COL6A3: variants seen among roughly 807,000 people sequenced by gnomAD.
COL6A3 encodes the protein collagen alpha-3(VI) chain.
Under a neutral mutation model 274.1 loss-of-function variants are expected in COL6A3, and 137 were observed. The observed-to-expected ratio is 0.50, with a 90% CI of 0.44 to 0.58. The LOEUF (loss-of-function observed/expected upper bound fraction) is 0.58, where lower values mean the gene tolerates loss of function less well. Among genes scored for constraint, COL6A3 ranks in the 20% least tolerant of loss-of-function variants. The pLI is 0.00. For synonymous variants in COL6A3, 1,650 were observed against 1,650.6 expected, an observed-to-expected ratio of 1.00 and a Z score of 0.01; for missense variants, 3,950 against 4,124.9, an observed-to-expected ratio of 0.96 and a Z score of 1.16.
intron 1 of COL6A3, among the ~76,000 whole-genome samples, chr2:237,398,112 G>A (rs1364706648): frequency 6.6e-6 from 1 of 152,224 alleles, no homozygotes; most frequent in Non-Finnish European, 1.5e-5. Flanking sequence ...AACCACAGCA[G>A]CTGGGACCAT....
chr2:237,359,072 G>C lies in COL6A3; in HGVS notation c.6371C>G (p.Pro2124Arg). ...LDGEDGDKGL[P>R]GSSGEKGNPG... ...ATTCCCTTTCTCTCCAGAAGAACCA[G>C]GCAATCCTTTGTCTCCCTGCCAAAG... is the stretch of plus-strand genomic sequence containing the variant. Residue 2124 changes from proline (P) to arginine (R), a missense_variant, in exon 20 of 44, where the codon CCT becomes CGT. Pro to Arg is a moderately radical substitution (Grantham distance 103, BLOSUM62 -2). Transcript: ENST00000295550. The C allele has an allele frequency of 6.2e-7, 1 of 1,614,108 alleles. No homozygotes were observed. Among genetic ancestry groups the C allele is most frequent in the Non-Finnish European group, 8.5e-7 (1 of 1,179,964 alleles).
chr2:237,392,023 T>G (rs1330909229), intron 3 of COL6A3, among the ~76,000 whole-genome samples: 1 of 152,104 alleles, frequency 6.6e-6, no homozygotes, highest in African/African-American at 2.4e-5. Context: ...GATGCCTGTG[T>G]GGTAATGCCA....
intron 4 of COL6A3, among the ~76,000 whole-genome samples, chr2:237,385,399 G>A (rs1347129419): frequency 3.3e-5 from 5 of 152,126 alleles, no homozygotes; most frequent in African/African-American, 1.2e-4. Context: ...CTGAAACAAG[G>A]GTCATGTGCT....
Position 237,401,980 on chromosome 2 carries a change from C to T in COL6A3, c.-30-5133G>A, listed in dbSNP as rs371636047. ...GATTACAGGCGTGAGCCACTGTGCA[C>T]GGCCTACTGTATTATACTAAGTCTT... On this transcript the variant is annotated intron_variant, in intron 1 of 43. Transcript: ENST00000295550. 7.4e-4 allele frequency among the ~76,000 whole-genome samples: 113 copies of T among 152,184 alleles called. 1 individual carries two copies. The highest frequency in any genetic ancestry group is 1.5e-3 in the South Asian group (7 of 4,822).
chr2:237,352,042 C>T (rs2077217858), intron 26 of COL6A3, among the ~76,000 whole-genome samples: 1 of 152,230 alleles, frequency 6.6e-6, no homozygotes, highest in African/African-American at 2.4e-5. Flanking sequence ...CTCTGCTCAT[C>T]ATTGCTGATA....
chr2:237,346,641 C>G, intron 31 of COL6A3, 76 bp from the exon 32 acceptor site: 1 of 1,354,832 alleles, frequency 7.4e-7, no homozygotes. Context: ...TTGGAAGGTA[C>G]GGTAAAAGTG....
At chr2:237,396,614 G>A (rs2106390924) in intron 2 of COL6A3, 113 bp downstream of exon 2, 1 of 1,056,114 alleles carries the variant, frequency 9.5e-7, no homozygotes, top group South Asian at 1.3e-5. Flanking sequence ...ATAATAAATG[G>A]CTTAGCTACC....
chr2:237,376,363 G>C (rs2106363475), intron 7 of COL6A3, among the ~76,000 whole-genome samples: 1 of 152,322 alleles, frequency 6.6e-6, no homozygotes, highest in East Asian at 1.9e-4. Context: ...TGAATGTAAT[G>C]AAGGAATTAT....
At chr2:237,373,805 A>AT (rs1319759565) in intron 8 of COL6A3, among the ~76,000 whole-genome samples, 2 of 152,020 alleles carry the variant, frequency 1.3e-5, no homozygotes, top group South Asian at 2.1e-4. Context: ...GGCTCCCACC[A>AT]TTTTTTAGTT....
rs758143732 is a variant in COL6A3 at position 237,344,920 on chromosome 2, A to G, written c.7174+21T>C. ...AGGGAGGCTTCCTTTCCTTAGGAGA[A>G]AGTCACCAAAATCAACTTACCGTAA... is the stretch of plus-strand genomic sequence containing the variant. On this transcript the variant is annotated intron_variant, in intron 35 of 43. Transcript: ENST00000295550. The surrounding 1 kb of genome is among the most constrained non-coding windows in gnomAD (Gnocchi z 4.8). The G allele has an allele frequency of 1.2e-6, 2 of 1,614,128 alleles. No individual in the cohort carries two copies. The highest frequency in any genetic ancestry group is 1.7e-6 in the Non-Finnish European group (2 of 1,180,034).
Position 237,361,961 on chromosome 2 carries a change from A to T in COL6A3, c.6064-130T>A. The T allele has an allele frequency of 2.4e-6, 2 of 829,954 alleles. No individual in the cohort carries two copies. Among genetic ancestry groups the T allele is most frequent in the Non-Finnish European group, 4.1e-6 (2 of 488,582 alleles). 51.4% of individuals were successfully genotyped at this position (829,954 alleles called of 1,614,324 possible). On this transcript the variant is annotated intron_variant, in intron 14 of 43. Coordinates refer to ENST00000295550, the MANE Select transcript of COL6A3 (RefSeq NM_004369.4). This position sits in a 1 kb window ranked among gnomAD's most constrained non-coding sequence, Gnocchi z 5.1. ...GTGTGAGATGAAGTCCCTCCAGGTG[A>T]CATTTGCTGGACGACTGACGATATG...
rs561914776 is a variant in COL6A3 at position 237,394,090 on chromosome 2, C to T, written c.709+497G>A. ...TCATAGCTGAGGTTTCTTGTAATTCCGATTCTACCAACACTCTTAAATTAA... is the reference window on the plus strand; with the variant it reads ...TCATAGCTGAGGTTTCTTGTAATTCTGATTCTACCAACACTCTTAAATTAA... On this transcript the variant is annotated intron_variant, in intron 3 of 43. Transcript: ENST00000295550. Among the ~76,000 whole-genome samples the T allele has an allele frequency of 5.3e-5, 8 of 152,202 alleles. No homozygotes were observed. The East Asian group carries it at 5.8e-4, about 11-fold the overall frequency.
At chr2:237,378,172 A>G (rs2077901258) in intron 6 of COL6A3, among the ~76,000 whole-genome samples, 1 of 152,216 alleles carries the variant, frequency 6.6e-6, no homozygotes, top group Non-Finnish European at 1.5e-5. Flanking sequence ...TTGCATGAAG[A>G]TGCACCCTTT....
intron 40 of COL6A3, 152 bp from the exon 41 acceptor site, chr2:237,335,041 T>TA: frequency 1.3e-6 from 1 of 798,368 alleles, no homozygotes; most frequent in Admixed American, 2.2e-5. Flanking sequence ...TTCAAGCCCC[T>TA]AAAAAACATT....
intron 1 of COL6A3, among the ~76,000 whole-genome samples, chr2:237,399,911 G>A (rs1021901092): frequency 1.3e-5 from 2 of 152,204 alleles, no homozygotes; most frequent in African/African-American, 4.8e-5. Context: ...ATTAGAATGG[G>A]TAGACGACTG....
rs756781502 is a variant in COL6A3 at position 237,366,953 on chromosome 2, T to C, written c.5234A>G (p.Gln1745Arg). The change falls in exon 11 of 44, where the codon CAG becomes CGG. Residue 1745 changes from glutamine (Q) to arginine (R), a missense_variant. By Grantham distance (43) the Gln-to-Arg change is conservative. Transcript: ENST00000295550. Reference sequence around the variant, plus strand: ...TCCTCCCGTGATCACAAAGGCAATCTGAGGGACCCGCTGGTCCAGGCGGCT... The same window carrying C: ...TCCTCCCGTGATCACAAAGGCAATCCGAGGGACCCGCTGGTCCAGGCGGCT... ...AGSRLDQRVPQIAFVITGGKS... is the reference protein window; with the variant it reads ...AGSRLDQRVPRIAFVITGGKS... 17 of 1,614,138 alleles carry C rather than the reference T, an allele frequency of 1.1e-5. No homozygotes were observed. The Admixed American group carries it at 2.8e-4, about 27-fold the overall frequency.
In COL6A3 at chr2:237,374,116, A is replaced by G. The variant is rs1182279305; in HGVS notation, c.3679+296T>C. On this transcript the variant is annotated intron_variant, in intron 8 of 43. Coordinates refer to ENST00000295550, the MANE Select transcript of COL6A3 (RefSeq NM_004369.4). This position sits in a 1 kb window ranked among gnomAD's most constrained non-coding sequence, Gnocchi z 4.8. ...AGACGGCCCCTCCCTTTGGATATCT[A>G]GACAGAAGCTTTCATGCAAAGTTAA... Among the ~76,000 whole-genome samples, 2 of 152,194 alleles carry G rather than the reference A, an allele frequency of 1.3e-5. No individual in the cohort carries two copies. Among genetic ancestry groups the G allele is most frequent in the African/African-American group, 4.8e-5 (2 of 41,458 alleles).
rs1004676585 is a variant in COL6A3, at chr2:237,407,078, T to A, written c.-31+6875A>T. ...GTGTGCGCCACCACGCCTGGCTAATTTTTTTTGAATTTTGGTAGAGACAAT... is the reference window on the plus strand; with the variant it reads ...GTGTGCGCCACCACGCCTGGCTAATATTTTTTGAATTTTGGTAGAGACAAT... On this transcript the variant is annotated intron_variant, in intron 1 of 43. Coordinates refer to ENST00000295550, the MANE Select transcript of COL6A3 (RefSeq NM_004369.4). This position sits in a 1 kb window ranked among gnomAD's most constrained non-coding sequence, Gnocchi z 4.3. Among the ~76,000 whole-genome samples the A allele has an allele frequency of 6.6e-6, 1 of 151,836 alleles. No homozygotes were observed. Among genetic ancestry groups the A allele is most frequent in the Non-Finnish European group, 1.5e-5 (1 of 67,926 alleles).
chr2:237,344,366 AG>A lies in COL6A3; in HGVS notation c.7651del (p.Leu2551SerfsTer74), dbSNP rs757531323. ...AGCACAGACCTGCAAAGCGTTGATG[AG>A]CTGCCGGTCTTCCTGCCTTGTAAGG... ...LFLTRQEDRQ[L>X]INALQINNTA... On this transcript the variant is annotated frameshift_variant, in exon 36 of 44. Coordinates refer to ENST00000295550, the MANE Select transcript of COL6A3 (RefSeq NM_004369.4). LOFTEE classifies it high-confidence loss of function. The surrounding 1 kb of genome is among the most constrained non-coding windows in gnomAD (Gnocchi z 4.8). 1 of 1,614,212 alleles carries A rather than the reference AG, an allele frequency of 6.2e-7. No individual in the cohort carries two copies. Among genetic ancestry groups the A allele is most frequent in the Non-Finnish European group, 8.5e-7 (1 of 1,180,040 alleles).
Sources: gnomAD v4.1 joint callset for allele counts (sites outside exome capture counted in the v4.1 genomes callset) on GRCh38, gnomAD v4.1.1 for gene constraint, Gnocchi (gnomAD v3.1) non-coding constraint, MANE v1.5 for transcripts, NCBI Gene and HGNC (gene_info 2026-07-23, HGNC 2026-07-21) for gene names.